The following SLC24A3 variants were observed in gnomAD, a reference collection of about 807,000 sequenced individuals.
The protein encoded by SLC24A3 is solute carrier family 24 member 3, also known as sodium/potassium/calcium exchanger 3.
SLC24A3 carries 28 observed loss-of-function variants against 75.8 expected under a neutral mutation model. That is an observed-to-expected ratio of 0.37 (90% CI 0.27 to 0.51). The LOEUF is 0.51. SLC24A3 is among the 20% of genes least tolerant of loss of function. The pLI is 0.94. For synonymous variants in SLC24A3, 372 were observed against 334.1 expected (o/e 1.11, Z -1.24); for missense variants, 663 against 847.8 (o/e 0.78, Z 2.71).
chr20:19,631,329 A>G (rs1184857763), intron 6 of SLC24A3, among the ~76,000 whole-genome samples: 1 of 152,252 alleles, frequency 6.6e-6, no homozygotes, highest in East Asian at 1.9e-4. Context: ...CCTGGGTGAC[A>G]GAGTCAGACC....
At chr20:19,675,700 G>A (rs559070489) in intron 9 of SLC24A3, among the ~76,000 whole-genome samples, 10 of 152,308 alleles carry the variant, frequency 6.6e-5, no homozygotes, top group South Asian at 4.1e-4. Flanking sequence ...GTTACACACC[G>A]TAGAACTAAT....
chr20:19,380,169 G>GACCT, intron 2 of SLC24A3, among the ~76,000 whole-genome samples: 1 of 152,308 alleles, frequency 6.6e-6, no homozygotes, highest in East Asian at 1.9e-4. Flanking sequence ...GGGGTCAGGA[G>GACCT]AGGTTTTGCA....
chr20:19,403,442 G>A (rs933456690), intron 2 of SLC24A3, among the ~76,000 whole-genome samples: 8 of 152,154 alleles, frequency 5.3e-5, no homozygotes, highest in African/African-American at 1.9e-4. Flanking sequence ...AACTCTGGGA[G>A]CCATGTGGTG....
At chr20:19,280,812 A>C in intron 1 of SLC24A3, 147 bp from the exon 2 acceptor site, 1 of 1,105,534 alleles carries the variant, frequency 9.0e-7, no homozygotes, top group Non-Finnish European at 1.3e-6. Context: ...TGCGGCAAGG[A>C]AGCCTTCAGG....
chr20:19,606,770 A>G (rs1360712753), intron 6 of SLC24A3, among the ~76,000 whole-genome samples: 1 of 152,216 alleles, frequency 6.6e-6, no homozygotes, highest in Non-Finnish European at 1.5e-5. Flanking sequence ...AGGAGGTCCA[A>G]TCCCTCATTT....
At chr20:19,690,320 G>A (rs1039875802) in intron 12 of SLC24A3, among the ~76,000 whole-genome samples, 1 of 152,146 alleles carries the variant, frequency 6.6e-6, no homozygotes, top group African/African-American at 2.4e-5. Context: ...TAAAGCAGTT[G>A]ATAAAAACTC....
chr20:19,278,443 G>A (rs1372090264), intron 1 of SLC24A3, among the ~76,000 whole-genome samples: 3 of 152,198 alleles, frequency 2.0e-5, no homozygotes, highest in African/African-American at 4.8e-5. Context: ...TGCTTCTGGG[G>A]AAACCCAGCC....
intron 1 of SLC24A3, chr20:19,242,449 A>T (rs1982357908): frequency 6.6e-6 from 1 of 151,910 alleles, no homozygotes; most frequent in African/African-American, 2.4e-5. Context: ...GCAATTCTTT[A>T]CTCTTTTCCC....
intron 6 of SLC24A3, among the ~76,000 whole-genome samples, chr20:19,648,503 T>C (rs912940410): frequency 9.9e-5 from 15 of 152,038 alleles, no homozygotes; most frequent in Non-Finnish European, 1.0e-4. Flanking sequence ...TGTGCCTTTT[T>C]AAATGTGCCG....
intron 2 of SLC24A3, among the ~76,000 whole-genome samples, chr20:19,421,977 G>A (rs964060921): frequency 2.6e-5 from 4 of 152,106 alleles, no homozygotes; most frequent in East Asian, 3.9e-4. Context: ...GGGAACCTCC[G>A]GGAGATTGTG....
At chr20:19,530,864 T>C (rs920543057) in intron 3 of SLC24A3, among the ~76,000 whole-genome samples, 2 of 152,078 alleles carry the variant, frequency 1.3e-5, no homozygotes, top group Non-Finnish European at 2.9e-5. Context: ...TACCCACCTG[T>C]CCAGAGTAAA....
intron 12 of SLC24A3, among the ~76,000 whole-genome samples, chr20:19,687,542 C>T (rs1373791917): frequency 6.6e-6 from 1 of 152,192 alleles, no homozygotes; most frequent in Non-Finnish European, 1.5e-5. Context: ...CATAACCAAG[C>T]TCCAGTAATG....
intron 6 of SLC24A3, among the ~76,000 whole-genome samples, chr20:19,647,315 T>C (rs1199211452): frequency 6.6e-6 from 1 of 152,172 alleles, no homozygotes; most frequent in African/African-American, 2.4e-5. Context: ...AGATAAACTA[T>C]TTGCACTCAA....
chr20:19,615,613 A>G (rs1183112509), intron 6 of SLC24A3, among the ~76,000 whole-genome samples: 2 of 152,226 alleles, frequency 1.3e-5, no homozygotes, highest in Non-Finnish European at 2.9e-5. Flanking sequence ...CAAACGGATG[A>G]TGCTAAACCA....
chr20:19,582,249 T>A (rs563222057), intron 4 of SLC24A3, among the ~76,000 whole-genome samples: 68 of 152,328 alleles, frequency 4.5e-4, no homozygotes, highest in Middle Eastern at 3.4e-3. Context: ...CTGGATTCTG[T>A]TTACTGCCTG....
At chr20:19,227,861 G>A (rs755901286) in intron 1 of SLC24A3, among the ~76,000 whole-genome samples, 3 of 152,068 alleles carry the variant, frequency 2.0e-5, no homozygotes, top group Admixed American at 6.5e-5. Flanking sequence ...CTTTCCAGAT[G>A]AATTTATAAT....
At chr20:19,230,493 C>T (rs927276852) in intron 1 of SLC24A3, among the ~76,000 whole-genome samples, 7 of 152,124 alleles carry the variant, frequency 4.6e-5, no homozygotes, top group African/African-American at 1.7e-4. Flanking sequence ...TCCTGTGGCT[C>T]TTTCCATCGC....
chr20:19,472,018 A>G (rs994283099), intron 2 of SLC24A3, among the ~76,000 whole-genome samples: 4 of 152,176 alleles, frequency 2.6e-5, no homozygotes, highest in Non-Finnish European at 5.9e-5. Context: ...AAATTATTCA[A>G]TTTTTGCAAA....
chr20:19,580,223 T>C, intron 4 of SLC24A3, 149 bp downstream of exon 4: 1 of 621,828 alleles, frequency 1.6e-6, no homozygotes, highest in Middle Eastern at 4.3e-4. Flanking sequence ...TTGAGAGCAA[T>C]GGGCAATATT....
Sources: allele counts gnomAD v4.1 joint callset (sites outside exome capture counted in the v4.1 genomes callset), GRCh38; gene constraint gnomAD v4.1.1; transcripts MANE v1.5; gene names NCBI Gene and HGNC (gene_info 2026-07-23, HGNC 2026-07-21).